PEBP4: variants seen among roughly 807,000 people sequenced by gnomAD.
The protein encoded by PEBP4 is phosphatidylethanolamine binding protein 4.
A neutral mutation model predicts 23.9 loss-of-function variants in PEBP4; 22 were observed. The ratio of observed to expected loss-of-function variants is 0.92; its 90% CI spans 0.66 to 1.31. PEBP4 has a LOEUF of 1.31. PEBP4 is among the 40% of genes most tolerant of loss of function. The pLI is 0.00. For missense variants in PEBP4, 324 were observed against 281.7 expected (o/e 1.15, Z -1.07); for synonymous variants, 112 against 99.3 (o/e 1.13, Z -0.76).
chr8:22,731,653 C>CTATT (rs540388014), intron 4 of PEBP4, among the ~76,000 whole-genome samples: 56 of 131,516 alleles, frequency 4.3e-4, no homozygotes, highest in South Asian at 8.5e-4. Context: ...ATCTATCTAT[C>CTATT]TATTTATTTA....
At chr8:22,827,061 T>C (rs911501963) in intron 3 of PEBP4, among the ~76,000 whole-genome samples, 8 of 152,160 alleles carry the variant, frequency 5.3e-5, no homozygotes, top group Non-Finnish European at 1.0e-4. Flanking sequence ...TTTTGAAGGT[T>C]ATTTGGGGAA....
intron 1 of PEBP4, among the ~76,000 whole-genome samples, chr8:22,934,980 C>A (rs549839729): frequency 3.5e-4 from 53 of 152,070 alleles, no homozygotes; most frequent in Middle Eastern, 3.4e-3. Flanking sequence ...TAATATCAGA[C>A]AAAACAGATT....
chr8:22,927,864 C>A lies in PEBP4; in HGVS notation c.-48G>T. 1 of 930,232 alleles carries A rather than the reference C, an allele frequency of 1.1e-6. No individual in the cohort carries two copies. 57.6% of individuals were successfully genotyped at this position (930,232 alleles called of 1,614,324 possible). A position where few individuals can be genotyped will look rare whatever the true frequency, so the allele number is the denominator to read the frequency against. ...GGAGAAGGACAGGCAGCTTCCAGGGCTCCGCAGCTAATCCAGTCCACCACC... is the reference window on the plus strand; with the variant it reads ...GGAGAAGGACAGGCAGCTTCCAGGGATCCGCAGCTAATCCAGTCCACCACC... On this transcript the variant is annotated 5_prime_UTR_variant, in exon 1 of 7. Transcript: ENST00000256404.
chr8:22,831,381 C>G (rs1257265416), intron 3 of PEBP4, among the ~76,000 whole-genome samples: 1 of 152,090 alleles, frequency 6.6e-6, no homozygotes, highest in Non-Finnish European at 1.5e-5. Flanking sequence ...TTTCTGCTTG[C>G]CATTATATTC....
chr8:22,770,119 T>G (rs1427910361), intron 4 of PEBP4, among the ~76,000 whole-genome samples: 4 of 152,150 alleles, frequency 2.6e-5, no homozygotes, highest in Non-Finnish European at 4.4e-5. Context: ...CAGGCGCCCC[T>G]CTGGGTGGAA....
At chr8:22,765,979 G>A (rs563060961) in intron 4 of PEBP4, among the ~76,000 whole-genome samples, 3 of 152,386 alleles carry the variant, frequency 2.0e-5, no homozygotes, top group East Asian at 1.9e-4. Context: ...AAGACCAAGC[G>A]AGGAAACATG....
intron 4 of PEBP4, among the ~76,000 whole-genome samples, chr8:22,795,660 C>G (rs896137307): frequency 6.6e-6 from 1 of 152,064 alleles, no homozygotes; most frequent in African/African-American, 2.4e-5. Flanking sequence ...CCTTTTTGGT[C>G]AATAAGGAGC....
chr8:22,916,886 T>C (rs927486360), intron 3 of PEBP4, among the ~76,000 whole-genome samples: 4 of 151,830 alleles, frequency 2.6e-5, no homozygotes, highest in Non-Finnish European at 5.9e-5. Context: ...GTTTAGAGGG[T>C]AGGAACATTT....
chr8:22,734,815 G>A (rs892019833), intron 4 of PEBP4, among the ~76,000 whole-genome samples: 1 of 152,174 alleles, frequency 6.6e-6, no homozygotes, highest in Non-Finnish European at 1.5e-5. Flanking sequence ...TCTAAGCCAC[G>A]TATCAATGTG....
chr8:22,874,510 C>A (rs1808079198), intron 3 of PEBP4, among the ~76,000 whole-genome samples: 2 of 152,090 alleles, frequency 1.3e-5, no homozygotes, highest in African/African-American at 4.8e-5. Context: ...TCTTGCCAGC[C>A]CCCAACCCTC....
Position 22,831,260 on chromosome 8 carries a change from C to G in PEBP4, c.259-13525G>C, listed in dbSNP as rs192434135. ...TAATCATCCTTGCATTTCTTTCCCT[C>G]TGATGCTCATCTCAGTTTATAATCA... On this transcript the variant is annotated intron_variant, in intron 3 of 6. Coordinates refer to ENST00000256404, the MANE Select transcript of PEBP4 (RefSeq NM_144962.3). Among the ~76,000 whole-genome samples, 132 of 152,286 alleles carry G rather than the reference C, an allele frequency of 8.7e-4. 1 individual carries two copies. The highest frequency in any genetic ancestry group is 3.0e-3 in the African/African-American group (123 of 41,546).
At chr8:22,932,203 C>A (rs533532247), upstream of PEBP4, among the ~76,000 whole-genome samples, 1 of 152,136 alleles carries the variant, frequency 6.6e-6, no homozygotes, top group African/African-American at 2.4e-5. Flanking sequence ...TACACAGGGA[C>A]AGAAAGTAGA....
chr8:22,912,043 G>T (rs964112794), intron 3 of PEBP4, among the ~76,000 whole-genome samples: 1 of 152,046 alleles, frequency 6.6e-6, no homozygotes, highest in Non-Finnish European at 1.5e-5. Context: ...GTAAGGGGGG[G>T]CGCTGTTTGA....
intron 4 of PEBP4, among the ~76,000 whole-genome samples, chr8:22,768,944 G>A (rs1017323918): frequency 6.6e-6 from 1 of 152,202 alleles, no homozygotes; most frequent in Non-Finnish European, 1.5e-5. Flanking sequence ...TCAGGCCTCT[G>A]CAGAACTCAG....
At chr8:22,932,527 A>G (rs1022329270), upstream of PEBP4, among the ~76,000 whole-genome samples, 4 of 151,382 alleles carry the variant, frequency 2.6e-5, no homozygotes, top group African/African-American at 9.7e-5. Flanking sequence ...ACACACATAT[A>G]CACACACACA....
At chr8:22,728,937 C>T (rs1417614315) in intron 4 of PEBP4, among the ~76,000 whole-genome samples, 1 of 152,194 alleles carries the variant, frequency 6.6e-6, no homozygotes, top group Non-Finnish European at 1.5e-5. Context: ...TCTCCCTGAT[C>T]CTGTTCTTTT....
intron 4 of PEBP4, among the ~76,000 whole-genome samples, chr8:22,736,680 G>T (rs1250545186): frequency 1.3e-5 from 2 of 152,186 alleles, no homozygotes; most frequent in African/African-American, 4.8e-5. Context: ...TGATTACTAT[G>T]CACTGATATC....
rs563858153 is a variant in PEBP4 at position 22,721,736 on chromosome 8, C to T, written c.517+3107G>A. On this transcript the variant is annotated intron_variant, in intron 6 of 6. Transcript: ENST00000256404. Reference sequence around the variant, plus strand: ...AACCCCTGACACCCTGCTTCCTCCACGGATTCTCTCCCCTGGAGAGAAATC... The same window carrying T: ...AACCCCTGACACCCTGCTTCCTCCATGGATTCTCTCCCCTGGAGAGAAATC... Among the ~76,000 whole-genome samples the T allele has an allele frequency of 3.0e-4, 45 of 152,212 alleles. 1 individual carries two copies. The East Asian group carries it at 7.0e-3, about 24-fold the overall frequency.
chr8:22,916,017 T>G (rs1809065307), intron 3 of PEBP4, among the ~76,000 whole-genome samples: 1 of 152,194 alleles, frequency 6.6e-6, no homozygotes, highest in Non-Finnish European at 1.5e-5. Flanking sequence ...GCTAGAGGCC[T>G]GGGCTGGCAT....
Sources: allele counts gnomAD v4.1 joint callset (sites outside exome capture counted in the v4.1 genomes callset), GRCh38; gene constraint gnomAD v4.1.1; transcripts MANE v1.5; gene names NCBI Gene and HGNC (gene_info 2026-07-23, HGNC 2026-07-21).